Variants in ZFPM1 observed in about 807,000 individuals in gnomAD.
ZFPM1 encodes zinc finger protein ZFPM1.
Under a neutral mutation model 46.3 loss-of-function variants are expected in ZFPM1, and 28 were observed. The observed-to-expected ratio is 0.60, with a 90% CI of 0.45 to 0.83. The LOEUF is 0.83. Among genes scored for constraint, ZFPM1 ranks in the 40% least tolerant of loss-of-function variants. The pLI is 0.00. For missense variants in ZFPM1, 1,878 were observed against 1,432.4 expected (o/e 1.31, Z -5.02); for synonymous variants, 957 against 675.9 (o/e 1.42, Z -6.45).
rs577989221 is a variant in ZFPM1 at position 88,494,465 on chromosome 16, G to A, written c.268+5312G>A. Among the ~76,000 whole-genome samples the A allele has an allele frequency of 4.6e-5, 7 of 152,244 alleles. No homozygotes were observed. In the East Asian group the frequency reaches 1.4e-3, roughly 29 times the overall value. On this transcript the variant is annotated intron_variant, in intron 3 of 9. Coordinates refer to ENST00000319555, the MANE Select transcript of ZFPM1 (RefSeq NM_153813.3). ...ACGCCCGGCCGGGGTGAGAGGCCGC[G>A]GGCAGAGCCTCCCGTCACAGGGACC...
intron 3 of ZFPM1, among the ~76,000 whole-genome samples, chr16:88,490,214 C>T (rs11865281): frequency 0.04 from 6,162 of 152,210 alleles, 206 homozygotes; most frequent in African/African-American, 0.086. Context: ...CCACCATGCC[C>T]GGCTAATTTT....
chr16:88,533,215 C>T lies in ZFPM1; in HGVS notation c.1257C>T (p.Gly419=). 2 of 1,561,242 alleles carry T rather than the reference C, an allele frequency of 1.3e-6. No homozygotes were observed. The highest frequency in any genetic ancestry group is 1.7e-6 in the Non-Finnish European group (2 of 1,161,610). The change falls in exon 10 of 10, where the codon GGC becomes GGT. Residue 419 remains glycine, a synonymous_variant. Transcript: ENST00000319555. ...LQGPLASADL[G]LAPTPSPGLD... is the part of the protein sequence containing the mutation. ...GCCCCCTGGCCTCCGCGGACCTGGG[C>T]CTGGCGCCCACCCCATCGCCAGGAC...
At chr16:88,494,294 C>T (rs1326029245) in intron 3 of ZFPM1, among the ~76,000 whole-genome samples, 2 of 152,138 alleles carry the variant, frequency 1.3e-5, no homozygotes, top group Non-Finnish European at 1.5e-5. Flanking sequence ...GCTCCCCCGT[C>T]GGTGGCAGTC....
chr16:88,515,701 G>A (rs1309978936), intron 4 of ZFPM1, among the ~76,000 whole-genome samples: 1 of 152,252 alleles, frequency 6.6e-6, no homozygotes, highest in African/African-American at 2.4e-5. Flanking sequence ...GAGCAGGGAG[G>A]TGGAAGAACG....
rs1908312139 is a variant in ZFPM1 at position 88,469,455 on chromosome 16, G to T, written c.40+15777G>T. On this transcript the variant is annotated intron_variant, in intron 1 of 9. Transcript: ENST00000319555. The surrounding 1 kb of genome is among the most constrained non-coding windows in gnomAD (Gnocchi z 4.3). Reference sequence around the variant, plus strand: ...GGCTGAGGTGGCAGGTTCTCTGGGGGTCCTCCTGTCTGTGGCTGTGGCATA... The same window carrying T: ...GGCTGAGGTGGCAGGTTCTCTGGGGTTCCTCCTGTCTGTGGCTGTGGCATA... 2.0e-5 allele frequency among the ~76,000 whole-genome samples: 3 copies of T among 152,190 alleles called. No individual in the cohort carries two copies. Among genetic ancestry groups the T allele is most frequent in the African/African-American group, 4.8e-5 (2 of 41,434 alleles).
chr16:88,498,045 A>T (rs1910038688), intron 3 of ZFPM1, among the ~76,000 whole-genome samples: 1 of 152,146 alleles, frequency 6.6e-6, no homozygotes, highest in Non-Finnish European at 1.5e-5. Flanking sequence ...TGCCCCCGAT[A>T]GCACTATTAG....
intron 3 of ZFPM1, among the ~76,000 whole-genome samples, chr16:88,506,219 C>A (rs528010749): frequency 7.1e-6 from 1 of 140,248 alleles, no homozygotes; most frequent in Non-Finnish European, 1.5e-5. Context: ...AGACCAGGGG[C>A]AGGGGCAGGG....
Position 88,534,406 on chromosome 16 carries a change from C to T in ZFPM1, c.2448C>T (p.Tyr816=), listed in dbSNP as rs1418186415. Residue 816 remains tyrosine (Y), a synonymous_variant, in exon 10 of 10, where the codon TAC becomes TAT. Transcript: ENST00000319555. ...CCCCGGCACCGGCGCTGGCCGACTA[C>T]CACGAGTGCACGGCCTGCCGCGTGA... The part of the protein sequence containing the change: ...PGAPAPALAD[Y]HECTACRVSF... 1.1e-5 allele frequency: 16 copies of T among 1,484,416 alleles called. No individual in the cohort carries two copies. Among genetic ancestry groups the T allele is most frequent in the East Asian group, 5.8e-5 (2 of 34,316 alleles). 92.0% of individuals were successfully genotyped at this position (1,484,416 alleles called of 1,614,324 possible).
intron 3 of ZFPM1, among the ~76,000 whole-genome samples, chr16:88,508,122 C>A (rs1910758580): frequency 6.6e-6 from 1 of 152,132 alleles, no homozygotes. Flanking sequence ...CATGGCGAAA[C>A]CCCTTCTTTA....
chr16:88,491,672 G>T (rs905944041), intron 3 of ZFPM1, among the ~76,000 whole-genome samples: 1 of 152,208 alleles, frequency 6.6e-6, no homozygotes, highest in East Asian at 1.9e-4. Flanking sequence ...CCCTGAGGCC[G>T]GCCGTGGTTT....
intron 3 of ZFPM1, among the ~76,000 whole-genome samples, chr16:88,494,548 G>A (rs961545013): frequency 6.6e-6 from 1 of 152,184 alleles, no homozygotes; most frequent in African/African-American, 2.4e-5. Context: ...GAAGCGAGGG[G>A]GAAACAGGGA....
intron 5 of ZFPM1, 85 bp downstream of exon 5, chr16:88,527,001 A>G (rs1912390099): frequency 6.1e-6 from 9 of 1,481,040 alleles, no homozygotes; most frequent in Non-Finnish European, 8.1e-6. Context: ...CTTAAAGGGA[A>G]ACCAGCCTGC....
At position 88,483,719 on chromosome 16, in the gene ZFPM1, G is replaced by A. The variant is rs567876829; in HGVS notation, c.41-2220G>A. On this transcript the variant is annotated intron_variant, in intron 1 of 9. Coordinates refer to ENST00000319555, the MANE Select transcript of ZFPM1 (RefSeq NM_153813.3). The stretch of plus-strand genomic sequence containing the variant: ...CTGGTGCACCCCTGCATCCTGGAAC[G>A]GCACCTGGCACCTAGCCCTCGGGTG... Among the ~76,000 whole-genome samples the A allele has an allele frequency of 1.4e-4, 22 of 152,306 alleles. 1 individual carries two copies. The South Asian group carries it at 2.7e-3, about 19-fold the overall frequency.
At chr16:88,509,831 G>T (rs886916066) in intron 3 of ZFPM1, among the ~76,000 whole-genome samples, 3 of 152,208 alleles carry the variant, frequency 2.0e-5, no homozygotes, top group Non-Finnish European at 4.4e-5. Context: ...CTCTGGGCCT[G>T]TGGGATGGGA....
chr16:88,525,158 T>C (rs1383839981), intron 4 of ZFPM1, among the ~76,000 whole-genome samples: 2 of 152,320 alleles, frequency 1.3e-5, no homozygotes, highest in East Asian at 3.9e-4. Context: ...GAGGGGTCCC[T>C]GCATACGGGT....
chr16:88,487,375 A>G (rs1404567235), intron 2 of ZFPM1, among the ~76,000 whole-genome samples: 3 of 152,062 alleles, frequency 2.0e-5, no homozygotes, highest in African/African-American at 4.8e-5. Context: ...CCCCACTCCA[A>G]CGTGGAGGGG....
rs1253800245 is a variant in ZFPM1 at position 88,497,010 on chromosome 16, C to T, written c.268+7857C>T. Among the ~76,000 whole-genome samples the T allele has an allele frequency of 2.0e-5, 3 of 152,188 alleles. No homozygotes were observed. The highest frequency in any genetic ancestry group is 2.4e-5 in the African/African-American group (1 of 41,442). On this transcript the variant is annotated intron_variant, in intron 3 of 9. Transcript: ENST00000319555. The surrounding 1 kb of genome is among the most constrained non-coding windows in gnomAD (Gnocchi z 5.4). ...GCCAGGCCTGCCCCTGCCCAGGAGCCGCACACACCTGCTCCTGGCTCGCTC... is the reference window on the plus strand; with the variant it reads ...GCCAGGCCTGCCCCTGCCCAGGAGCTGCACACACCTGCTCCTGGCTCGCTC...
At chr16:88,533,082 C>T (rs1912928076) in intron 9 of ZFPM1, 66 bp from the exon 10 acceptor site, 2 of 1,466,760 alleles carry the variant, frequency 1.4e-6, no homozygotes, top group African/African-American at 1.4e-5. Context: ...CGGAGCTCGC[C>T]CTCCAGCTCT....
chr16:88,493,786 G>A (rs1909766919), intron 3 of ZFPM1, among the ~76,000 whole-genome samples: 1 of 152,100 alleles, frequency 6.6e-6, no homozygotes, highest in Non-Finnish European at 1.5e-5. Flanking sequence ...CCTGATACCT[G>A]GTGGTCCCAG....
Sources: allele counts gnomAD v4.1 joint callset (sites outside exome capture counted in the v4.1 genomes callset), GRCh38; gene constraint gnomAD v4.1.1; non-coding constraint Gnocchi (gnomAD v3.1); transcripts MANE v1.5; gene names NCBI Gene and HGNC (gene_info 2026-07-23, HGNC 2026-07-21).